COL6A5: variants seen among roughly 807,000 people sequenced by gnomAD.
COL6A5 encodes the protein collagen alpha-5(VI) chain.
Under a neutral mutation model 65.6 loss-of-function variants are expected in COL6A5, and 48 were observed. The ratio of observed to expected loss-of-function variants is 0.73; its 90% CI spans 0.58 to 0.93. COL6A5 has a LOEUF of 0.93. Ranked by LOEUF, COL6A5 falls within the 40% of genes least tolerant of loss-of-function variation. COL6A5 has a pLI of 0.00. For missense variants in COL6A5, 914 were observed against 928.3 expected (o/e 0.98, Z 0.20); for synonymous variants, 291 against 322.8 (o/e 0.90, Z 1.05).
In COL6A5 at chr3:130,409,388, G is replaced by A. The variant is rs77968090; in HGVS notation, c.4542G>A (p.Pro1514=). 0.042 allele frequency: 65,615 copies of A among 1,547,228 alleles called. 1,637 individuals carry two copies. The highest frequency in any genetic ancestry group is 0.082 in the South Asian group (6,865 of 83,404). The stretch of plus-strand genomic sequence containing the variant: ...GAGAGAAGGGCTTCCCAGGGGATCC[G>A]GTAAGTTTCTAGGGCCCAGTTGGCT... The change falls in exon 18 of 42, where the codon CCG becomes CCA. Residue 1514 remains proline, a splice_region_variant and synonymous_variant and NMD_transcript_variant. Coordinates refer to the COL6A5 transcript ENST00000312481.
intron 11 of COL6A5, among the ~76,000 whole-genome samples, chr3:130,401,511 C>T (rs577534276): frequency 1.3e-5 from 2 of 152,316 alleles, no homozygotes; most frequent in South Asian, 4.1e-4. Context: ...TGGGCCATGG[C>T]CATCCACATA....
At chr3:130,468,396 A>G (rs1709867044) in intron 5 of COL6A5, among the ~76,000 whole-genome samples, 1 of 152,060 alleles carries the variant, frequency 6.6e-6, no homozygotes, top group Admixed American at 6.6e-5. Flanking sequence ...TTTAATATCT[A>G]TACTTTCTCT....
At chr3:130,422,203 A>C (rs1464384396) in intron 27 of COL6A5, among the ~76,000 whole-genome samples, 1 of 152,084 alleles carries the variant, frequency 6.6e-6, no homozygotes, top group Non-Finnish European at 1.5e-5. Context: ...CACCATTAGA[A>C]AGAAAGTCCT....
chr3:130,370,498 T>C (rs1318574022), intron 1 of COL6A5, among the ~76,000 whole-genome samples: 1 of 152,174 alleles, frequency 6.6e-6, no homozygotes, highest in Non-Finnish European at 1.5e-5. Flanking sequence ...TCTATATCCA[T>C]CTTATCTGGA....
chr3:130,451,604 T>C (rs923641022), intron 4 of COL6A5, among the ~76,000 whole-genome samples: 7 of 151,924 alleles, frequency 4.6e-5, no homozygotes, highest in African/African-American at 1.5e-4. Context: ...AGAGAATAAT[T>C]AGCATATATA....
At chr3:130,480,326 G>A (rs910939313) in intron 7 of COL6A5, among the ~76,000 whole-genome samples, 2 of 151,906 alleles carry the variant, frequency 1.3e-5, no homozygotes, top group African/African-American at 2.4e-5. Context: ...AAGTGTTAAT[G>A]TATAGAAGCT....
At chr3:130,373,829 A>C (rs1490344960) in intron 2 of COL6A5, 124 bp downstream of exon 2, 11 of 659,032 alleles carry the variant, frequency 1.7e-5, no homozygotes, top group Non-Finnish European at 2.3e-5. Context: ...AGTAATTGTT[A>C]TACAACATCA....
chr3:130,435,112 T>C (rs1937986328), intron 1 of COL6A5, among the ~76,000 whole-genome samples: 1 of 152,218 alleles, frequency 6.6e-6, no homozygotes, highest in Non-Finnish European at 1.5e-5. Flanking sequence ...GAGTTGATTT[T>C]TGTATAAGGT....
chr3:130,398,200 A>T, intron 10 of COL6A5, 89 bp downstream of exon 10: 1 of 829,466 alleles, frequency 1.2e-6, no homozygotes. Flanking sequence ...GCACGATCTC[A>T]GCTCACTGCA....
chr3:130,397,784 C>A, exon 9 of COL6A5: 1 of 1,551,666 alleles, frequency 6.4e-7, no homozygotes, highest in South Asian at 1.2e-5. Context: ...CAAGGATTCC[C>A]TGCCAAGTTC....
chr3:130,431,707 C>A, exon 1 of COL6A5: 4 of 1,551,544 alleles, frequency 2.6e-6, no homozygotes, highest in Non-Finnish European at 3.5e-6. Flanking sequence ...GCAGCTTTCC[C>A]AAATAAAATA....
chr3:130,477,108 T>C, intron 7 of COL6A5: 1 of 1,463,788 alleles, frequency 6.8e-7, no homozygotes, highest in Non-Finnish European at 9.2e-7. Context: ...AATACTTTCG[T>C]CATAGTGATT....
At chr3:130,455,150 C>CA (rs62929660) in intron 4 of COL6A5, among the ~76,000 whole-genome samples, 2,935 of 130,068 alleles carry the variant, frequency 0.023, 85 homozygotes, top group African/African-American at 0.069. Flanking sequence ...GACCCTGTCT[C>CA]AAAAAAAAAA....
chr3:130,390,983 T>C (rs1936376302), intron 6 of COL6A5, among the ~76,000 whole-genome samples, 196 bp from the exon 7 acceptor site: 1 of 152,230 alleles, frequency 6.6e-6, no homozygotes, highest in South Asian at 2.1e-4. Flanking sequence ...GGAGTCATGA[T>C]GTAGGCAAGT....
intron 10 of COL6A5, 98 bp from the exon 11 acceptor site, chr3:130,400,933 A>T: frequency 2.0e-6 from 2 of 1,023,350 alleles, no homozygotes; most frequent in Non-Finnish European, 1.3e-6. Flanking sequence ...CCCCTTTTCA[A>T]TTCTTTAAAT....
chr3:130,421,097 G>T, intron 25 of COL6A5, 56 bp from the exon 26 acceptor site: 1 of 1,479,746 alleles, frequency 6.8e-7, no homozygotes, highest in Non-Finnish European at 9.2e-7. Context: ...CCCCAGTATA[G>T]ATTAAAATTA....
chr3:130,360,879 A>G (rs998824039), intron 1 of COL6A5, among the ~76,000 whole-genome samples: 2 of 152,116 alleles, frequency 1.3e-5, no homozygotes, highest in South Asian at 2.1e-4. Context: ...GCATATTTCC[A>G]TGTAACCATA....
intron 5 of COL6A5, among the ~76,000 whole-genome samples, chr3:130,460,648 A>C (rs985852118): frequency 4.0e-5 from 6 of 151,822 alleles, no homozygotes; most frequent in African/African-American, 1.5e-4. Flanking sequence ...TGGTGATGAT[A>C]GTGTTGGTGC....
At chr3:130,414,264 G>T (rs1187022436) in intron 22 of COL6A5, 133 bp downstream of exon 22, 6 of 702,344 alleles carry the variant, frequency 8.5e-6, no homozygotes, top group Non-Finnish European at 1.4e-5. Flanking sequence ...CCTATCATGG[G>T]GTGGGGGGTG....
Sources: gnomAD v4.1 joint callset for allele counts (sites outside exome capture counted in the v4.1 genomes callset) on GRCh38, gnomAD v4.1.1 for gene constraint, MANE v1.5 for transcripts, NCBI Gene and HGNC (gene_info 2026-07-23, HGNC 2026-07-21) for gene names.